Variants in KIF1A observed in about 807,000 individuals in gnomAD.
KIF1A encodes the protein kinesin family member 1A.
Under a neutral mutation model 227.3 loss-of-function variants are expected in KIF1A, and 46 were observed. That is an observed-to-expected ratio of 0.20 (90% CI 0.16 to 0.26). KIF1A has a LOEUF of 0.26. KIF1A is among the 10% of genes least tolerant of loss of function. The pLI, the probability that KIF1A is intolerant of heterozygous loss-of-function variation, is 1.00. For missense variants in KIF1A, 1,683 were observed against 2,485.9 expected, an observed-to-expected ratio of 0.68 and a Z score of 6.87; for synonymous variants, 1,022 against 1,012.8, an observed-to-expected ratio of 1.01 and a Z score of -0.17.
chr2:240,737,242 G>A (rs570317499), intron 37 of KIF1A, 74 bp from the exon 38 acceptor site: 79 of 1,185,494 alleles, frequency 6.7e-5, no homozygotes, highest in Admixed American at 8.5e-5. Flanking sequence ...CCTCAGGTGG[G>A]GGTCCTGTCA....
At position 240,789,990 on chromosome 2, in the gene KIF1A, G is replaced by T. The variant is rs990788061; in HGVS notation, c.107-678C>A. Among the ~76,000 whole-genome samples the T allele has an allele frequency of 6.6e-6, 1 of 152,168 alleles. No homozygotes were observed. Among genetic ancestry groups the T allele is most frequent in the East Asian group, 1.9e-4 (1 of 5,134 alleles). On this transcript the variant is annotated intron_variant, in intron 2 of 48. Transcript: ENST00000498729. This position sits in a 1 kb window ranked among gnomAD's most constrained non-coding sequence, Gnocchi z 4.8. ...ATGCCCCCGCCCACAGCCGGTGCCT[G>T]GGGGGGTTTCCCAGGAGCTGTCCCA...
Position 240,771,098 on chromosome 2 carries a change from T to C in KIF1A, c.1214A>G (p.Asn405Ser), listed in dbSNP as rs1482343224. The change falls in exon 15 of 49, where the codon AAT (asparagine) becomes AGT (serine). Residue 405 changes from asparagine to serine, a missense_variant. By Grantham distance (46) the Asn-to-Ser change is conservative. Coordinates refer to ENST00000498729, the MANE Select transcript of KIF1A (RefSeq NM_001244008.2). The part of the protein sequence containing the change: ...NTVPGGPKLT[N>S]ALVGMSPSSS... The stretch of plus-strand genomic sequence containing the variant: ...TGAGGGGCTCATACCCACCAGGGCA[T>C]TGGTCACTGTGGAGAGAGGGTCAGG... 5 of 1,613,306 alleles carry C rather than the reference T, an allele frequency of 3.1e-6. No homozygotes were observed. Among genetic ancestry groups the C allele is most frequent in the East Asian group, 2.2e-5 (1 of 44,864 alleles).
chr2:240,719,317 A>G, intron 46 of KIF1A, 119 bp from the exon 47 acceptor site: 1 of 1,201,510 alleles, frequency 8.3e-7, no homozygotes, highest in Non-Finnish European at 1.1e-6. Context: ...CCCAGCCAGA[A>G]AGTGGGTCGA....
chr2:240,746,327 T>C (rs912231031), intron 29 of KIF1A, 150 bp from the exon 30 acceptor site: 38 of 864,518 alleles, frequency 4.4e-5, no homozygotes, highest in Non-Finnish European at 6.7e-5. Context: ...GTGCCTGCCT[T>C]GTAGGGGGGC....
chr2:240,721,009 C>T lies in KIF1A; in HGVS notation c.4773G>A (p.Arg1591=). 2 of 1,611,376 alleles carry T rather than the reference C, an allele frequency of 1.2e-6. No homozygotes were observed. Among genetic ancestry groups the T allele is most frequent in the Non-Finnish European group, 8.5e-7 (1 of 1,179,368 alleles). ...CCCCTAGAGGGGACATCGACGGGTC[C>T]CGGAGCAGGGTGACAGACATCTCGG... is the stretch of plus-strand genomic sequence containing the variant. The part of the protein sequence containing the change: ...KLSEMSVTLL[R]DPSMSPLGVA... Residue 1591 remains arginine, a synonymous_variant, in exon 45 of 49, where the codon CGG becomes CGA. Coordinates refer to ENST00000498729, the MANE Select transcript of KIF1A (RefSeq NM_001244008.2).
intron 1 of KIF1A, among the ~76,000 whole-genome samples, chr2:240,819,721 G>A (rs941837962): frequency 6.6e-6 from 1 of 151,994 alleles, no homozygotes; most frequent in Non-Finnish European, 1.5e-5. Context: ...AGCCCCTCCC[G>A]CAGCCCCGCC....
At chr2:240,734,838 A>T in intron 38 of KIF1A, 1 of 917,558 alleles carries the variant, frequency 1.1e-6, no homozygotes, top group Non-Finnish European at 1.6e-6. Flanking sequence ...GCCTGTGGCC[A>T]CAGGCCCACT....
chr2:240,806,973 G>A (rs1018770966), intron 1 of KIF1A, among the ~76,000 whole-genome samples: 2 of 151,994 alleles, frequency 1.3e-5, no homozygotes, highest in African/African-American at 4.8e-5. Flanking sequence ...GTATCAGTAG[G>A]AGATTGGTTC....
At chr2:240,781,483 AC>A (rs1559524451) in intron 10 of KIF1A, among the ~76,000 whole-genome samples, 2 of 128,414 alleles carry the variant, frequency 1.6e-5, no homozygotes, top group Non-Finnish European at 3.3e-5. Flanking sequence ...ACACACACAC[AC>A]ACAGCTCCAC....
rs2049981333 is a variant in KIF1A, at chr2:240,757,420, C to A, written c.2757G>T (p.Glu919Asp). 2.7e-6 allele frequency: 4 copies of A among 1,494,320 alleles called. No homozygotes were observed. The highest frequency in any genetic ancestry group is 3.6e-6 in the Non-Finnish European group (4 of 1,121,822). The allele number at this position is 1,494,320 out of a possible 1,614,324, so 92.6% of individuals were successfully genotyped here. Reference protein sequence around the residue: ...EEEEEEEEEDEEEEDLEDDVF... With the variant: ...EEEEEEEEEDDEEEDLEDDVF... ...CGTCGTCCTCCAGGTCCTCCTCCTC[C>A]TCATCCTCCTCCTCCTCCTCCTCCT... Residue 919 changes from glutamate to aspartate, a missense_variant, in exon 27 of 49, where the codon GAG (glutamate) becomes GAT (aspartate). Glu to Asp is a conservative substitution (Grantham distance 45). Around this residue, in one of 12 missense-constraint regions of KIF1A, gnomAD observed 759 missense variants for 1,020.2 expected, o/e 0.74. Transcript: ENST00000498729. The surrounding 1 kb of genome is among the most constrained non-coding windows in gnomAD (Gnocchi z 6.2).
rs781151107 is a variant in KIF1A, at chr2:240,757,817, A to G, written c.2583-223T>C. Among the ~76,000 whole-genome samples the G allele has an allele frequency of 3.3e-5, 5 of 152,016 alleles. No homozygotes were observed. Among genetic ancestry groups the G allele is most frequent in the Non-Finnish European group, 5.9e-5 (4 of 68,014 alleles). ...GGAAGGTTCCGGAAGGTTCCGGAGG[A>G]CACCTGCAGGTGGGACTGAGAACAG... On this transcript the variant is annotated intron_variant, in intron 26 of 48. Coordinates refer to ENST00000498729, the MANE Select transcript of KIF1A (RefSeq NM_001244008.2). This position sits in a 1 kb window ranked among gnomAD's most constrained non-coding sequence, Gnocchi z 6.2.
chr2:240,818,421 A>G (rs2058480082), intron 1 of KIF1A, among the ~76,000 whole-genome samples: 2 of 152,050 alleles, frequency 1.3e-5, no homozygotes, highest in African/African-American at 4.8e-5. Flanking sequence ...CAACCACCCC[A>G]TCAACCAAAC....
In KIF1A at chr2:240,757,975, G is replaced by A. The variant is rs900910648; in HGVS notation, c.2583-381C>T. On this transcript the variant is annotated intron_variant, in intron 26 of 48. Transcript: ENST00000498729. This position sits in a 1 kb window ranked among gnomAD's most constrained non-coding sequence, Gnocchi z 6.2. ...CCCCAGACTGGAGACCGGGGAAGGA[G>A]GCAGCCATTTGTAAGGCTCAGGTGA... 8.5e-5 allele frequency among the ~76,000 whole-genome samples: 13 copies of A among 152,208 alleles called. No individual in the cohort carries two copies. The highest frequency in any genetic ancestry group is 3.1e-4 in the African/African-American group (13 of 41,446).
At chr2:240,819,348 C>G (rs1250808525) in intron 1 of KIF1A, among the ~76,000 whole-genome samples, 2 of 151,886 alleles carry the variant, frequency 1.3e-5, no homozygotes, top group Non-Finnish European at 1.5e-5. Flanking sequence ...CGGGCCACAC[C>G]TGTTACAGGG....
chr2:240,800,198 A>C (rs529588076), intron 1 of KIF1A, among the ~76,000 whole-genome samples: 6 of 152,102 alleles, frequency 3.9e-5, no homozygotes, highest in Non-Finnish European at 8.8e-5. Flanking sequence ...GTATGGGACA[A>C]CTGGCTCTCC....
rs771449173 is a variant in KIF1A at position 240,745,924 on chromosome 2, G to A, written c.3203-15C>T. 2.5e-6 allele frequency: 4 copies of A among 1,597,894 alleles called. No individual in the cohort carries two copies. Among genetic ancestry groups the A allele is most frequent in the Middle Eastern group, 3.3e-4 (2 of 5,994 alleles). ...TGGGGGCACTGCTGCTGGGAGTCAA[G>A]GAGAGAGTCATGGACCTCCAGGCCA... On this transcript the variant is annotated splice_polypyrimidine_tract_variant and intron_variant, in intron 30 of 48. Transcript: ENST00000498729.
chr2:240,747,430 GAGCAGGC>G, intron 28 of KIF1A, 109 bp from the exon 29 acceptor site: 2 of 770,882 alleles, frequency 2.6e-6, no homozygotes, highest in Non-Finnish European at 4.3e-6. Context: ...ACAGGAGCCA[GAGCAGGC>G]AGCAGACCCC....
Position 240,763,339 on chromosome 2 carries a change from G to A in KIF1A, c.1776C>T (p.Arg592=), listed in dbSNP as rs1156849817. 6.3e-7 allele frequency: 1 copy of A among 1,576,388 alleles called. No homozygotes were observed. Among genetic ancestry groups the A allele is most frequent in the Admixed American group, 1.9e-5 (1 of 53,766 alleles). The change falls in exon 21 of 49, where the codon CGC becomes CGT. Residue 592 remains arginine (R), a synonymous_variant. Transcript: ENST00000498729. ...TEPSILRSGN[R]IIMGKSHVFR... is the part of the protein sequence containing the mutation. ...ACACATGGCTCTTACCCATGATGAT[G>A]CGGTTTCCTGGGGAACAGAGGGACA...
At chr2:240,744,957 C>T (rs774579747) in intron 32 of KIF1A, among the ~76,000 whole-genome samples, 5 of 152,160 alleles carry the variant, frequency 3.3e-5, no homozygotes, top group Non-Finnish European at 7.3e-5. Context: ...GGAGCTGCTC[C>T]GCCTTAAAGG....
Sources: allele counts gnomAD v4.1 joint callset (sites outside exome capture counted in the v4.1 genomes callset), GRCh38; gene constraint gnomAD v4.1.1; regional missense constraint gnomAD v4.1.1; non-coding constraint Gnocchi (gnomAD v3.1); transcripts MANE v1.5; gene names NCBI Gene and HGNC (gene_info 2026-07-23, HGNC 2026-07-21).